Variants in COLGALT2 observed in about 807,000 individuals in gnomAD.
The protein encoded by COLGALT2 is collagen beta(1-O)galactosyltransferase 2, also known as procollagen galactosyltransferase 2.
COLGALT2 carries 49 observed loss-of-function variants against 73.4 expected under a neutral mutation model. The ratio of observed to expected loss-of-function variants is 0.67; its 90% CI spans 0.53 to 0.85. COLGALT2 has a LOEUF of 0.85. Among genes scored for constraint, COLGALT2 ranks in the 40% least tolerant of loss-of-function variants. COLGALT2 has a pLI of 0.00. For missense variants in COLGALT2, 722 were observed against 790.2 expected, an observed-to-expected ratio of 0.91 and a Z score of 1.03; for synonymous variants, 295 against 307.6, an observed-to-expected ratio of 0.96 and a Z score of 0.43.
intron 7 of COLGALT2, among the ~76,000 whole-genome samples, chr1:183,953,237 G>A (rs140184849): frequency 5.3e-4 from 81 of 152,304 alleles, no homozygotes; most frequent in African/African-American, 1.8e-3. Flanking sequence ...AGGTCACAGA[G>A]TCCGAGGAGG....
At chr1:183,963,473 G>A (rs1053196643) in intron 6 of COLGALT2, among the ~76,000 whole-genome samples, 2 of 152,108 alleles carry the variant, frequency 1.3e-5, no homozygotes, top group Non-Finnish European at 2.9e-5. Context: ...CATAACTACT[G>A]TGGCTGTATT....
intron 1 of COLGALT2, among the ~76,000 whole-genome samples, chr1:184,035,251 A>T (rs1295891964): frequency 1.3e-5 from 2 of 152,236 alleles, no homozygotes; most frequent in Non-Finnish European, 2.9e-5. Flanking sequence ...GCCATAAAGA[A>T]TTTTTGAAAT....
At chr1:184,021,012 T>C (rs1390777851) in intron 1 of COLGALT2, among the ~76,000 whole-genome samples, 1 of 152,084 alleles carries the variant, frequency 6.6e-6, no homozygotes, top group Non-Finnish European at 1.5e-5. Flanking sequence ...GTGCCGTTTA[T>C]AATCTGGCCT....
intron 1 of COLGALT2, among the ~76,000 whole-genome samples, chr1:184,027,947 C>T (rs1558343320): frequency 6.6e-6 from 1 of 152,198 alleles, no homozygotes; most frequent in Admixed American, 6.5e-5. Flanking sequence ...ACTCTCCCGC[C>T]CAACCTGTTT....
intron 11 of COLGALT2, among the ~76,000 whole-genome samples, chr1:183,930,813 C>G (rs1271160618): frequency 6.6e-6 from 1 of 152,054 alleles, no homozygotes; most frequent in East Asian, 1.9e-4. Flanking sequence ...CTAGGAGCTA[C>G]TTTACAGATG....
At chr1:183,998,714 C>T (rs1455309136) in intron 1 of COLGALT2, among the ~76,000 whole-genome samples, 2 of 152,066 alleles carry the variant, frequency 1.3e-5, no homozygotes, top group Non-Finnish European at 2.9e-5. Context: ...TATGTCTCCA[C>T]ATTTATTTTG....
intron 1 of COLGALT2, among the ~76,000 whole-genome samples, chr1:183,987,082 C>A (rs1671509365): frequency 6.6e-6 from 1 of 152,214 alleles, no homozygotes; most frequent in East Asian, 1.9e-4. Context: ...AAGATTCATT[C>A]ATTCCCTACA....
intron 1 of COLGALT2, among the ~76,000 whole-genome samples, chr1:183,995,225 A>G (rs188054141): frequency 7.5e-4 from 114 of 152,372 alleles, no homozygotes; most frequent in Non-Finnish European, 1.3e-3. Flanking sequence ...AATAAGTGCT[A>G]TAATCCAATA....
intron 1 of COLGALT2, among the ~76,000 whole-genome samples, chr1:184,027,309 T>C (rs1465485715): frequency 6.6e-6 from 1 of 152,176 alleles, no homozygotes; most frequent in Non-Finnish European, 1.5e-5. Flanking sequence ...TACATAGCCT[T>C]CTAGGAGCTC....
intron 10 of COLGALT2, among the ~76,000 whole-genome samples, chr1:183,941,869 A>G (rs1198084990): frequency 6.6e-6 from 1 of 152,080 alleles, no homozygotes; most frequent in Non-Finnish European, 1.5e-5. Context: ...ACTTTAATTA[A>G]TTTAATTTTA....
At position 183,938,524 on chromosome 1, in the gene COLGALT2, TAAC is replaced by T; in HGVS notation, c.*234_*236del. 3 of 1,390,972 alleles carry T rather than the reference TAAC, an allele frequency of 2.2e-6. No homozygotes were observed. The highest frequency in any genetic ancestry group is 2.8e-6 in the Non-Finnish European group (3 of 1,074,148). The allele number at this position is 1,390,972 out of a possible 1,614,324, so 86.2% of individuals were successfully genotyped here. A position where few individuals can be genotyped will look rare whatever the true frequency, so the allele number is the denominator to read the frequency against. The stretch of plus-strand genomic sequence containing the variant: ...TAGGTGTCTGGATTACAGTTTATCT[TAAC>T]AGTTTCCAAAAAACCTGTCTTTCAG... On this transcript the variant is annotated 3_prime_UTR_variant, in exon 12 of 12. Transcript: ENST00000361927.
chr1:183,955,100 A>C (rs1186644783), intron 6 of COLGALT2, among the ~76,000 whole-genome samples: 2 of 152,188 alleles, frequency 1.3e-5, no homozygotes, highest in African/African-American at 4.8e-5. Context: ...TTTGGGAGGC[A>C]GTTTAGGATA....
intron 6 of COLGALT2, 80 bp downstream of exon 6, chr1:183,963,821 C>A: frequency 7.3e-7 from 1 of 1,361,818 alleles, no homozygotes; most frequent in Non-Finnish European, 9.7e-7. Context: ...GATTCCAATC[C>A]TGGAAGAGGA....
chr1:183,954,274 G>GTT (rs5779193), intron 7 of COLGALT2, among the ~76,000 whole-genome samples: 11 of 151,348 alleles, frequency 7.3e-5, no homozygotes, highest in South Asian at 6.3e-4. Flanking sequence ...GAACAAATAT[G>GTT]TTTTTTTTTC....
rs569934004 is a variant in COLGALT2, at chr1:183,981,707, T to G, written c.264-3187A>C. Reference sequence around the variant, plus strand: ...ACAAAAAACTCCTTTTCATTAAACATGAAACATTATAGTTTTTAATTGGTT... The same window carrying G: ...ACAAAAAACTCCTTTTCATTAAACAGGAAACATTATAGTTTTTAATTGGTT... On this transcript the variant is annotated intron_variant, in intron 1 of 11. Transcript: ENST00000361927. Among the ~76,000 whole-genome samples, 285 of 152,306 alleles carry G rather than the reference T, an allele frequency of 1.9e-3. 3 individuals are homozygous for G. The highest frequency in any genetic ancestry group is 2.6e-3 in the Admixed American group (39 of 15,290).
At chr1:183,939,068 G>T (rs760248187) in intron 11 of COLGALT2, 31 bp from the exon 12 acceptor site, 4 of 1,574,356 alleles carry the variant, frequency 2.5e-6, no homozygotes, top group African/African-American at 1.4e-5. Context: ...GGACACATGA[G>T]GGGGCGGAAA....
chr1:184,011,311 T>G (rs1289212648), intron 1 of COLGALT2, among the ~76,000 whole-genome samples: 2 of 152,204 alleles, frequency 1.3e-5, no homozygotes, highest in African/African-American at 2.4e-5. Context: ...TTGGGACCAG[T>G]AAAGCTTTCA....
At chr1:183,994,602 G>A (rs1303071033) in intron 1 of COLGALT2, among the ~76,000 whole-genome samples, 7 of 152,018 alleles carry the variant, frequency 4.6e-5, no homozygotes, top group South Asian at 2.1e-4. Context: ...TTACTGGGGC[G>A]TGCCACCATG....
chr1:183,978,301 A>G (rs1187182395), intron 2 of COLGALT2, 109 bp downstream of exon 2: 3 of 630,496 alleles, frequency 4.8e-6, no homozygotes. Flanking sequence ...AGCTACAGAA[A>G]TGAAAGACAA....
Sources: gnomAD v4.1 joint callset for allele counts (sites outside exome capture counted in the v4.1 genomes callset) on GRCh38, gnomAD v4.1.1 for gene constraint, MANE v1.5 for transcripts, NCBI Gene and HGNC (gene_info 2026-07-23, HGNC 2026-07-21) for gene names.